Variants in TRPM6 observed in about 807,000 individuals in gnomAD.
The protein encoded by TRPM6 is channel kinase 2.
A neutral mutation model predicts 247.6 loss-of-function variants in TRPM6; 111 were observed. The ratio of observed to expected loss-of-function variants is 0.45; its 90% CI spans 0.38 to 0.52. The LOEUF (loss-of-function observed/expected upper bound fraction) is 0.52. Among genes scored for constraint, TRPM6 ranks in the 20% least tolerant of loss-of-function variants. The probability of loss-of-function intolerance (pLI) is 0.00; values close to 1 mark genes in which losing one functional copy is unlikely to be tolerated. For missense variants in TRPM6, 2,126 were observed against 2,421.5 expected (o/e 0.88, Z 2.56); for synonymous variants, 892 against 853.8 (o/e 1.04, Z -0.78).
At chr9:74,804,500 A>T in intron 14 of TRPM6, 1 of 697,134 alleles carries the variant, frequency 1.4e-6, no homozygotes, top group Non-Finnish European at 2.6e-6. Context: ...ATTTCTACAG[A>T]GATCCTGAAG....
At position 74,842,216 on chromosome 9, in the gene TRPM6, T is replaced by C. The variant is rs1454130009; in HGVS notation, c.280A>G (p.Thr94Ala). The C allele has an allele frequency of 5.0e-6, 8 of 1,614,128 alleles. No homozygotes were observed. The highest frequency in any genetic ancestry group is 1.1e-5 in the South Asian group (1 of 91,086). ...TCTTGGAAATTAATCGTGCCAAAAG[T>C]ATCTGTTGGGCTTTTCGTTGTGTGC... ...EKHTTKSPTDTFGTINFQDGE... is the reference protein window; with the variant it reads ...EKHTTKSPTDAFGTINFQDGE... The change falls in exon 4 of 39, where the codon ACT becomes GCT. Residue 94 changes from threonine (T) to alanine (A), a missense_variant. Physicochemically the swap from Thr to Ala is moderately conservative, Grantham distance 58 (BLOSUM62 0). Coordinates refer to ENST00000360774, the MANE Select transcript of TRPM6 (RefSeq NM_017662.5).
At chr9:74,725,719 T>C (rs1825295751) in intron 38 of TRPM6, among the ~76,000 whole-genome samples, 1 of 152,258 alleles carries the variant, frequency 6.6e-6, no homozygotes, top group Non-Finnish European at 1.5e-5. Flanking sequence ...CCTTCTGCCA[T>C]GATTGTGAGG....
At chr9:74,775,732 A>T in intron 24 of TRPM6, 151 bp downstream of exon 24, 1 of 808,598 alleles carries the variant, frequency 1.2e-6, no homozygotes, top group Non-Finnish European at 2.1e-6. Context: ...CAATATATTT[A>T]CTCAGACCCA....
chr9:74,733,185 GAGCTTAACTCT>G (rs1408342437), intron 36 of TRPM6, among the ~76,000 whole-genome samples: 1 of 150,710 alleles, frequency 6.6e-6, no homozygotes, highest in Non-Finnish European at 1.5e-5. Flanking sequence ...CTGGGCAACA[GAGCTTAACTCT>G]ATCTCAAAGA....
chr9:74,880,311 C>A (rs1224703607), intron 1 of TRPM6, among the ~76,000 whole-genome samples: 1 of 152,104 alleles, frequency 6.6e-6, no homozygotes, highest in Non-Finnish European at 1.5e-5. Flanking sequence ...CCTCCCAGGT[C>A]TAGCAAGAGA....
chr9:74,810,409 C>T (rs1329500394), intron 13 of TRPM6, among the ~76,000 whole-genome samples: 2 of 152,154 alleles, frequency 1.3e-5, no homozygotes, highest in African/African-American at 2.4e-5. Context: ...AGTGCCAGAA[C>T]TATCACTGAT....
chr9:74,806,293 A>C (rs944343237), intron 14 of TRPM6, among the ~76,000 whole-genome samples: 13 of 151,608 alleles, frequency 8.6e-5, no homozygotes, highest in Admixed American at 7.9e-4. Context: ...TTATTTATTT[A>C]TTTATTTATT....
chr9:74,726,501 ACT>A (rs937508591), intron 38 of TRPM6, among the ~76,000 whole-genome samples: 1 of 151,972 alleles, frequency 6.6e-6, no homozygotes. Context: ...CAAGAGCAAA[ACT>A]CTGTCTCAAA....
chr9:74,887,129 T>G (rs1158494779), intron 1 of TRPM6: 1 of 674,462 alleles, frequency 1.5e-6, no homozygotes, highest in Non-Finnish European at 2.1e-6. Context: ...TGTTGCGCCA[T>G]ATGCCAGCGG....
intron 2 of TRPM6, among the ~76,000 whole-genome samples, chr9:74,856,446 T>C (rs942740428): frequency 2.4e-5 from 2 of 83,264 alleles, no homozygotes; most frequent in African/African-American, 1.1e-4. Flanking sequence ...TCTCAAAATA[T>C]GTGTGTGTGT....
intron 7 of TRPM6, among the ~76,000 whole-genome samples, chr9:74,825,086 C>A (rs1296361475): frequency 2.0e-5 from 3 of 152,064 alleles, no homozygotes; most frequent in Admixed American, 2.0e-4. Flanking sequence ...ATGGTAAAAT[C>A]CTGTCACTAT....
At chr9:74,833,606 T>G (rs11144108) in intron 6 of TRPM6, among the ~76,000 whole-genome samples, 45,083 of 152,106 alleles carry the variant, frequency 0.3, 7,988 homozygotes, top group East Asian at 0.52. Context: ...GTTGAGACTA[T>G]GCTGTTAGGA....
intron 16 of TRPM6, among the ~76,000 whole-genome samples, chr9:74,801,352 C>A: frequency 6.8e-6 from 1 of 146,808 alleles, no homozygotes; most frequent in East Asian, 2.0e-4. Flanking sequence ...CTGCCTCCAG[C>A]CTGGGAATTT....
In TRPM6 at chr9:74,851,942, A is replaced by G. The variant is rs1471527611; in HGVS notation, c.152+3585T>C. The stretch of plus-strand genomic sequence containing the variant: ...GGAGTTCTAGAACAGCCTGGGCAAC[A>G]TAGCAAGAACCCATCTCTATAAAAA... On this transcript the variant is annotated intron_variant, in intron 3 of 38. Coordinates refer to ENST00000360774, the MANE Select transcript of TRPM6 (RefSeq NM_017662.5). Among the ~76,000 whole-genome samples the G allele has an allele frequency of 2.6e-5, 4 of 151,552 alleles. No individual in the cohort carries two copies. In the East Asian group the frequency reaches 7.8e-4, roughly 29 times the overall value.
At chr9:74,873,973 C>T (rs1368469224) in intron 1 of TRPM6, among the ~76,000 whole-genome samples, 4 of 151,936 alleles carry the variant, frequency 2.6e-5, no homozygotes, top group Non-Finnish European at 4.4e-5. Flanking sequence ...TGGTGGCTCA[C>T]AACTGTAATG....
At chr9:74,840,828 C>CA (rs371038378) in intron 4 of TRPM6, among the ~76,000 whole-genome samples, 25,387 of 107,242 alleles carry the variant, frequency 0.24, 3,096 homozygotes, top group African/African-American at 0.38. Flanking sequence ...GACTCTGTCT[C>CA]AAAAAAAAAA....
chr9:74,839,433 T>TA (rs925761847), intron 5 of TRPM6, among the ~76,000 whole-genome samples: 8 of 151,186 alleles, frequency 5.3e-5, no homozygotes, highest in Middle Eastern at 6.8e-3. Flanking sequence ...ATCATGTAGT[T>TA]AAAAAAAAAG....
intron 35 of TRPM6, 49 bp downstream of exon 35, chr9:74,739,318 T>C (rs375450369): frequency 3.9e-5 from 59 of 1,506,264 alleles, no homozygotes; most frequent in African/African-American, 9.6e-5. Flanking sequence ...GAAGACGTGA[T>C]AGAAATTCCT....
chr9:74,825,933 A>G (rs908883108), intron 7 of TRPM6, among the ~76,000 whole-genome samples: 1 of 150,790 alleles, frequency 6.6e-6, no homozygotes, highest in Non-Finnish European at 1.5e-5. Context: ...AGCCATTCCT[A>G]CCCCGCAGAA....
Sources: gnomAD v4.1 joint callset for allele counts (sites outside exome capture counted in the v4.1 genomes callset) on GRCh38, gnomAD v4.1.1 for gene constraint, MANE v1.5 for transcripts, NCBI Gene and HGNC (gene_info 2026-07-23, HGNC 2026-07-21) for gene names.